Variants in CYRIA observed in about 807,000 individuals in gnomAD.
CYRIA encodes the protein CYFIP related Rac1 interactor A, also known as CYFIP-related Rac1 interactor A.
A neutral mutation model predicts 43.9 loss-of-function variants in CYRIA; 15 were observed. The ratio of observed to expected loss-of-function variants is 0.34; its 90% CI spans 0.23 to 0.53. The LOEUF (loss-of-function observed/expected upper bound fraction) is 0.53, where lower values mean the gene tolerates loss of function less well. CYRIA is among the 20% of genes least tolerant of loss of function. CYRIA has a pLI of 0.94. For missense variants in CYRIA, 236 were observed against 394.2 expected, an observed-to-expected ratio of 0.60 and a Z score of 3.40; for synonymous variants, 117 against 136.0, an observed-to-expected ratio of 0.86 and a Z score of 0.97.
Position 16,559,415 on chromosome 2 carries a change from T to C in CYRIA, c.837+45A>G, listed in dbSNP as rs758182663. Reference sequence around the variant, plus strand: ...GGAAGAAAAACAAGGTCTGGCAACATTCATGGGCCCTTATTTGGAAAGCAC... The same window carrying C: ...GGAAGAAAAACAAGGTCTGGCAACACTCATGGGCCCTTATTTGGAAAGCAC... On this transcript the variant is annotated intron_variant, in intron 10 of 11. Coordinates refer to ENST00000381323, the MANE Select transcript of CYRIA (RefSeq NM_030797.4). The C allele has an allele frequency of 1.9e-6, 3 of 1,596,062 alleles. No homozygotes were observed. The Admixed American group carries it at 5.1e-5, about 27-fold the overall frequency.
intron 3 of CYRIA, among the ~76,000 whole-genome samples, chr2:16,572,524 G>T (rs1336250553): frequency 1.3e-5 from 2 of 152,142 alleles, no homozygotes; most frequent in Non-Finnish European, 2.9e-5. Context: ...CAGCAGAGAA[G>T]AACAGATGAA....
At chr2:16,589,293 T>A (rs903511664) in intron 2 of CYRIA, among the ~76,000 whole-genome samples, 7 of 152,082 alleles carry the variant, frequency 4.6e-5, no homozygotes, top group African/African-American at 1.2e-4. Context: ...CAAGGAATTT[T>A]AAAAAACACA....
intron 10 of CYRIA, among the ~76,000 whole-genome samples, chr2:16,556,281 A>G (rs942656145): frequency 6.6e-6 from 1 of 152,140 alleles, no homozygotes; most frequent in South Asian, 2.1e-4. Context: ...TCAAAAAAGA[A>G]TGTCATGGCA....
At chr2:16,604,852 C>T (rs1668337973) in intron 2 of CYRIA, among the ~76,000 whole-genome samples, 1 of 152,102 alleles carries the variant, frequency 6.6e-6, no homozygotes, top group Non-Finnish European at 1.5e-5. Context: ...AAATGTATTG[C>T]CAAGAATCCA....
Position 16,602,587 on chromosome 2 carries a change from G to A in CYRIA, c.-10-14458C>T, listed in dbSNP as rs183375454. Among the ~76,000 whole-genome samples the A allele has an allele frequency of 1.2e-4, 18 of 152,158 alleles. No individual in the cohort carries two copies. In the East Asian group the frequency reaches 3.5e-3, roughly 29 times the overall value. ...GTGTCCTTCCCAAGGTCCTCCAGAT[G>A]GGTCCTGGACTTCATAATATACAGG... On this transcript the variant is annotated intron_variant, in intron 2 of 11. Transcript: ENST00000381323.
At chr2:16,630,809 C>T (rs1000227793) in intron 1 of CYRIA, among the ~76,000 whole-genome samples, 4 of 152,236 alleles carry the variant, frequency 2.6e-5, no homozygotes, top group African/African-American at 7.2e-5. Flanking sequence ...TTTACCTCCC[C>T]TCTTCCCATC....
At chr2:16,570,824 G>C (rs1667104775) in intron 3 of CYRIA, among the ~76,000 whole-genome samples, 1 of 152,158 alleles carries the variant, frequency 6.6e-6, no homozygotes, top group Non-Finnish European at 1.5e-5. Flanking sequence ...CTTATTTCTA[G>C]TTGCAGCCAG....
intron 1 of CYRIA, among the ~76,000 whole-genome samples, chr2:16,653,469 C>T (rs745425811): frequency 3.1e-4 from 47 of 152,356 alleles, no homozygotes; most frequent in Non-Finnish European, 6.0e-4. Flanking sequence ...TTGCTGTCAT[C>T]CACCCATCCT....
intron 3 of CYRIA, among the ~76,000 whole-genome samples, chr2:16,573,557 T>C (rs1018827256): frequency 1.3e-5 from 2 of 152,226 alleles, no homozygotes; most frequent in African/African-American, 4.8e-5. Context: ...TTTGGCTGTG[T>C]CCCCACCCAA....
At chr2:16,642,392 C>T (rs1414801540) in intron 1 of CYRIA, among the ~76,000 whole-genome samples, 1 of 152,174 alleles carries the variant, frequency 6.6e-6, no homozygotes, top group East Asian at 1.9e-4. Context: ...CTTTATTTCA[C>T]GCCCCAAATT....
intron 2 of CYRIA, among the ~76,000 whole-genome samples, chr2:16,619,989 A>T (rs1350633906): frequency 6.6e-6 from 1 of 151,840 alleles, no homozygotes; most frequent in African/African-American, 2.4e-5. Flanking sequence ...CATCCACATC[A>T]CTTTGTTCAT....
chr2:16,642,258 C>T (rs1478688382), intron 1 of CYRIA, among the ~76,000 whole-genome samples: 1 of 152,118 alleles, frequency 6.6e-6, no homozygotes, highest in Non-Finnish European at 1.5e-5. Flanking sequence ...TCAGCGTGGC[C>T]CAAAACAGAA....
At chr2:16,610,917 TATATATATATATATATATATC>T (rs1558425587) in intron 2 of CYRIA, among the ~76,000 whole-genome samples, 1,506 of 65,754 alleles carry the variant, frequency 0.023, 60 homozygotes, top group African/African-American at 0.11. Context: ...TATATATATA[TATATATATATATATATATATC>T]CTGTATATCT....
chr2:16,625,448 GA>G (rs1293186845), intron 1 of CYRIA, among the ~76,000 whole-genome samples: 1 of 152,214 alleles, frequency 6.6e-6, no homozygotes, highest in Non-Finnish European at 1.5e-5. Context: ...AAATGATAGA[GA>G]AAACACAGCA....
At chr2:16,586,100 G>C (rs545675231) in intron 3 of CYRIA, among the ~76,000 whole-genome samples, 2 of 152,084 alleles carry the variant, frequency 1.3e-5, no homozygotes, top group Non-Finnish European at 2.9e-5. Context: ...AGGTACATAT[G>C]AGCATGCACA....
At chr2:16,661,906 A>G (rs1670265364) in intron 1 of CYRIA, among the ~76,000 whole-genome samples, 1 of 152,216 alleles carries the variant, frequency 6.6e-6, no homozygotes, top group Non-Finnish European at 1.5e-5. Flanking sequence ...ATAGAATTGT[A>G]CTGATAATTG....
chr2:16,553,667 A>G (rs2103397193), intron 11 of CYRIA, among the ~76,000 whole-genome samples: 1 of 152,292 alleles, frequency 6.6e-6, no homozygotes, highest in African/African-American at 2.4e-5. Flanking sequence ...TAAATGATCT[A>G]TTCCAGATCA....
At chr2:16,577,149 G>A (rs995216819) in intron 3 of CYRIA, among the ~76,000 whole-genome samples, 3 of 150,260 alleles carry the variant, frequency 2.0e-5, no homozygotes, top group African/African-American at 7.4e-5. Flanking sequence ...CTGATCAGAG[G>A]GTAGATCTCA....
intron 1 of CYRIA, among the ~76,000 whole-genome samples, chr2:16,636,795 C>CA (rs921084387): frequency 1.6e-3 from 187 of 117,976 alleles, no homozygotes; most frequent in African/African-American, 4.8e-3. Context: ...AACCCCTTGC[C>CA]AAAAAAAAAA....
Sources: allele counts gnomAD v4.1 joint callset (sites outside exome capture counted in the v4.1 genomes callset), GRCh38; gene constraint gnomAD v4.1.1; transcripts MANE v1.5; gene names NCBI Gene and HGNC (gene_info 2026-07-23, HGNC 2026-07-21).